CNTN6: variants seen among roughly 807,000 people sequenced by gnomAD.
The protein encoded by CNTN6 is contactin 6.
In CNTN6, 137 loss-of-function variants were observed where a neutral mutation model predicts 122.8. The observed-to-expected ratio is 1.12, with a 90% CI of 0.97 to 1.29. The LOEUF (loss-of-function observed/expected upper bound fraction) is 1.29, where lower values mean the gene tolerates loss of function less well. Ranked by LOEUF, CNTN6 falls within the 50% of genes most tolerant of loss-of-function variation. CNTN6 has a pLI of 0.00. For missense variants in CNTN6, 1,634 were observed against 1,223.4 expected (o/e 1.34, Z -5.01); for synonymous variants, 570 against 426.0 (o/e 1.34, Z -4.16).
In CNTN6 at chr3:1,261,402, C is replaced by A. The variant is rs150199171; in HGVS notation, c.359-17011C>A. Among the ~76,000 whole-genome samples the A allele has an allele frequency of 2.3e-3, 357 of 152,104 alleles. 2 individuals are homozygous for A. Among genetic ancestry groups the A allele is most frequent in the African/African-American group, 7.4e-3 (307 of 41,494 alleles). On this transcript the variant is annotated intron_variant, in intron 4 of 22. Transcript: ENST00000446702. Reference sequence around the variant, plus strand: ...AATTGTGGCTCAGTACAGCTGAGTGCCCCCTACAGCTATCAAGCACATCTC... The same window carrying A: ...AATTGTGGCTCAGTACAGCTGAGTGACCCCTACAGCTATCAAGCACATCTC...
At chr3:1,244,807 G>A (rs937048352) in intron 4 of CNTN6, among the ~76,000 whole-genome samples, 2 of 151,884 alleles carry the variant, frequency 1.3e-5, no homozygotes, top group Non-Finnish European at 2.9e-5. Flanking sequence ...TTGTTCTCTG[G>A]TGGGCAGGGG....
rs530863115 is a variant in CNTN6, at chr3:1,313,708, T to C, written c.762-7942T>C. Among the ~76,000 whole-genome samples the C allele has an allele frequency of 1.2e-4, 19 of 152,174 alleles. No individual in the cohort carries two copies. The South Asian group carries it at 2.7e-3, about 22-fold the overall frequency. ...TGATATAGGCATCATCTTATTCCCATTGGGCTGCCATCACAAAATACTGTA... is the reference window on the plus strand; with the variant it reads ...TGATATAGGCATCATCTTATTCCCACTGGGCTGCCATCACAAAATACTGTA... On this transcript the variant is annotated intron_variant, in intron 7 of 22. Coordinates refer to ENST00000446702, the MANE Select transcript of CNTN6 (RefSeq NM_001289080.2).
intron 1 of CNTN6, among the ~76,000 whole-genome samples, chr3:1,136,732 G>C (rs897966991): frequency 6.6e-6 from 1 of 151,940 alleles, no homozygotes; most frequent in African/African-American, 2.4e-5. Context: ...GTAAGCTTTC[G>C]GCAAAATTGT....
chr3:1,392,356 T>C (rs1694288680), intron 20 of CNTN6, among the ~76,000 whole-genome samples: 1 of 152,160 alleles, frequency 6.6e-6, no homozygotes, highest in Admixed American at 6.5e-5. Flanking sequence ...TACCCATATG[T>C]AGAAAGCTGA....
Position 1,377,033 on chromosome 3 carries a change from T to C in CNTN6, c.2124T>C (p.His708=), listed in dbSNP as rs1709963111. 2 of 1,607,058 alleles carry C rather than the reference T, an allele frequency of 1.2e-6. No individual in the cohort carries two copies. Among genetic ancestry groups the C allele is most frequent in the Non-Finnish European group, 1.7e-6 (2 of 1,176,318 alleles). The change falls in exon 17 of 23, where the codon CAT becomes CAC. Residue 708 remains histidine, a synonymous_variant. Coordinates refer to ENST00000446702, the MANE Select transcript of CNTN6 (RefSeq NM_001289080.2). ...SVPVVAPVNI[H]GGGGSRSELV... ...CTGTTGTGGCACCAGTAAACATCCA[T>C]GGAGGTGGAGGAAGTCGGTCTGAAC...
At chr3:1,094,054 G>T (rs1431025874) in intron 1 of CNTN6, among the ~76,000 whole-genome samples, 1 of 152,128 alleles carries the variant, frequency 6.6e-6, no homozygotes, top group African/African-American at 2.4e-5. Context: ...AATCAATTTG[G>T]AAAATGAGGT....
chr3:1,116,776 C>T (rs1218842065), intron 1 of CNTN6, among the ~76,000 whole-genome samples: 1 of 148,706 alleles, frequency 6.7e-6, no homozygotes, highest in African/African-American at 2.5e-5. Flanking sequence ...ATAATCTCAG[C>T]TCACTGCAAC....
chr3:1,160,611 T>C (rs11921911), intron 2 of CNTN6, among the ~76,000 whole-genome samples: 25,909 of 150,454 alleles, frequency 0.17, 2,736 homozygotes, highest in East Asian at 0.31. Flanking sequence ...CAAATGATTC[T>C]AGTATGCTGT....
intron 4 of CNTN6, among the ~76,000 whole-genome samples, chr3:1,254,212 T>G (rs546265516): frequency 1.8e-4 from 27 of 152,284 alleles, no homozygotes; most frequent in African/African-American, 6.5e-4. Context: ...TTCCCAGAAG[T>G]AACCGCTTTC....
rs529070477 is a variant in CNTN6 at position 1,340,059 on chromosome 3, G to A, written c.1364+10124G>A. ...AATTTTTACAACATACCTATGAGAG[G>A]CATTTATTCATATTTTTAGATGAGT... On this transcript the variant is annotated intron_variant, in intron 11 of 22. Coordinates refer to ENST00000446702, the MANE Select transcript of CNTN6 (RefSeq NM_001289080.2). 5.3e-5 allele frequency among the ~76,000 whole-genome samples: 8 copies of A among 152,154 alleles called. No homozygotes were observed. The East Asian group carries it at 1.4e-3, about 26-fold the overall frequency.
Position 1,299,942 on chromosome 3 carries a change from C to G in CNTN6, c.761+1951C>G, listed in dbSNP as rs112826596. Among the ~76,000 whole-genome samples, 1,236 of 152,104 alleles carry G rather than the reference C, an allele frequency of 8.1e-3. 14 individuals are homozygous for G. The highest frequency in any genetic ancestry group is 0.053 in the South Asian group (257 of 4,810). On this transcript the variant is annotated intron_variant, in intron 7 of 22. Coordinates refer to ENST00000446702, the MANE Select transcript of CNTN6 (RefSeq NM_001289080.2). ...AGACTTGGCATTTATGTAATAAATG[C>G]TCACTGAATTATTCTAAAACCAAAA...
chr3:1,365,548 C>T (rs926433284), intron 12 of CNTN6, among the ~76,000 whole-genome samples: 2 of 151,920 alleles, frequency 1.3e-5, no homozygotes, highest in Non-Finnish European at 2.9e-5. Flanking sequence ...TCCTTATATA[C>T]CAAGATATAC....
At chr3:1,268,181 T>C (rs1355840368) in intron 4 of CNTN6, among the ~76,000 whole-genome samples, 1 of 152,204 alleles carries the variant, frequency 6.6e-6, no homozygotes, top group Non-Finnish European at 1.5e-5. Flanking sequence ...GCCTAGGATT[T>C]TTCTGGCTAT....
At chr3:1,325,356 T>G (rs1203780021) in intron 8 of CNTN6, among the ~76,000 whole-genome samples, 1 of 151,888 alleles carries the variant, frequency 6.6e-6, no homozygotes, top group Non-Finnish European at 1.5e-5. Context: ...TGATTTATGC[T>G]TCAAGGTATT....
At chr3:1,175,081 A>C (rs979177950) in intron 2 of CNTN6, among the ~76,000 whole-genome samples, 2 of 151,886 alleles carry the variant, frequency 1.3e-5, no homozygotes, top group African/African-American at 4.8e-5. Context: ...AAAAAACACA[A>C]AATTTGGCCA....
At chr3:1,110,797 CT>C (rs1334618165) in intron 1 of CNTN6, among the ~76,000 whole-genome samples, 1 of 152,144 alleles carries the variant, frequency 6.6e-6, no homozygotes, top group Admixed American at 6.6e-5. Flanking sequence ...AAATCTACAT[CT>C]GATTTCATGA....
chr3:1,382,045 G>T (rs1435822347), intron 17 of CNTN6, among the ~76,000 whole-genome samples: 1 of 151,956 alleles, frequency 6.6e-6, no homozygotes, highest in Non-Finnish European at 1.5e-5. Context: ...GTGGACATGA[G>T]GGACTAGAAG....
rs1692145093 is a variant in CNTN6 at position 1,382,957 on chromosome 3, C to T, written c.2182C>T (p.Leu728=). The change falls in exon 18 of 23, where the codon CTG becomes TTG. Residue 728 remains leucine (L), a synonymous_variant. Transcript: ENST00000446702. ...VITWESIPEE[L]QNGEGFGYII... ...TCTGCCCAAGTCAATTCCAGAAGAA[C>T]TGCAGAATGGGGAGGGATTTGGATA... 2 of 1,613,430 alleles carry T rather than the reference C, an allele frequency of 1.2e-6. No individual in the cohort carries two copies. The highest frequency in any genetic ancestry group is 1.3e-5 in the African/African-American group (1 of 74,892).
At chr3:1,267,104 T>C (rs1386581367) in intron 4 of CNTN6, among the ~76,000 whole-genome samples, 1 of 151,796 alleles carries the variant, frequency 6.6e-6, no homozygotes, top group East Asian at 1.9e-4. Context: ...GCCTGAACTT[T>C]CTTGTTACCT....
Sources: allele counts gnomAD v4.1 joint callset (sites outside exome capture counted in the v4.1 genomes callset), GRCh38; gene constraint gnomAD v4.1.1; transcripts MANE v1.5; gene names NCBI Gene and HGNC (gene_info 2026-07-23, HGNC 2026-07-21).